The following BARX2 variants were observed in gnomAD, a reference collection of about 807,000 sequenced individuals.
BARX2 encodes homeobox protein BarH-like 2.
BARX2 carries 11 observed loss-of-function variants against 25.5 expected under a neutral mutation model. The ratio of observed to expected loss-of-function variants is 0.43; its 90% CI spans 0.27 to 0.71. BARX2 has a LOEUF of 0.71. BARX2 is among the 30% of genes least tolerant of loss of function. The pLI is 0.19. For missense variants in BARX2, 360 were observed against 359.9 expected (o/e 1.00, Z 0.00); for synonymous variants, 137 against 149.5 (o/e 0.92, Z 0.61).
chr11:129,445,417 C>T (rs1040264869), intron 3 of BARX2, among the ~76,000 whole-genome samples: 7 of 152,338 alleles, frequency 4.6e-5, no homozygotes, highest in East Asian at 1.9e-4. Flanking sequence ...TGGGCCAATG[C>T]GTGTGCCTTC....
intron 2 of BARX2, among the ~76,000 whole-genome samples, chr11:129,439,760 C>T (rs898492373): frequency 1.3e-5 from 2 of 152,156 alleles, no homozygotes; most frequent in Non-Finnish European, 2.9e-5. Context: ...TATGACATGG[C>T]TGTTTCCACT....
intron 1 of BARX2, among the ~76,000 whole-genome samples, chr11:129,409,245 C>T (rs997065165): frequency 3.3e-5 from 5 of 152,338 alleles, no homozygotes; most frequent in South Asian, 2.1e-4. Flanking sequence ...TCCCACCCAC[C>T]GTTCTCTGCC....
rs377729159 is a variant in BARX2 at position 129,420,024 on chromosome 11, G to A, written c.188-16727G>A. On this transcript the variant is annotated intron_variant, in intron 1 of 3. Transcript: ENST00000281437. The stretch of plus-strand genomic sequence containing the variant: ...TCTAACTTCTGACCTCAGGTGATCC[G>A]CCTGCATCGGCCTCCCAAAGTGCTG... Among the ~76,000 whole-genome samples, 8 of 151,974 alleles carry A rather than the reference G, an allele frequency of 5.3e-5. No homozygotes were observed. In the East Asian group the frequency reaches 5.8e-4, roughly 11 times the overall value.
intron 3 of BARX2, among the ~76,000 whole-genome samples, chr11:129,446,249 A>G (rs1044723542): frequency 1.3e-5 from 2 of 152,172 alleles, no homozygotes; most frequent in African/African-American, 4.8e-5. Flanking sequence ...CTCTTCCATG[A>G]GAGGATCCAA....
At position 129,436,899 on chromosome 11, in the gene BARX2, G is replaced by A. The variant is rs1422639875; in HGVS notation, c.336G>A (p.Gly112=). Residue 112 remains glycine, a synonymous_variant, in exon 2 of 4, where the codon GGG becomes GGA. Transcript: ENST00000281437. The surrounding 1 kb of genome is among the most constrained non-coding windows in gnomAD (Gnocchi z 4.5). ...VTEAVSAEAP[G]GEALASSESE... Reference sequence around the variant, plus strand: ...AGGCGGTCTCTGCTGAGGCCCCAGGGGGCGAGGCCCTAGCCAGCAGCGAGT... The same window carrying A: ...AGGCGGTCTCTGCTGAGGCCCCAGGAGGCGAGGCCCTAGCCAGCAGCGAGT... 1.7e-5 allele frequency: 28 copies of A among 1,613,872 alleles called. No individual in the cohort carries two copies. The highest frequency in any genetic ancestry group is 2.3e-5 in the Non-Finnish European group (27 of 1,179,982).
chr11:129,404,105 AC>A (rs1311464692), intron 1 of BARX2, among the ~76,000 whole-genome samples: 1 of 152,218 alleles, frequency 6.6e-6, no homozygotes, highest in Non-Finnish European at 1.5e-5. Context: ...TTCAACAAGG[AC>A]CACTGTGGAG....
chr11:129,449,717 C>T (rs967539145), intron 3 of BARX2, among the ~76,000 whole-genome samples: 2 of 152,126 alleles, frequency 1.3e-5, no homozygotes, highest in Non-Finnish European at 2.9e-5. Flanking sequence ...TATCTTTTCT[C>T]GACTCTAGGG....
At position 129,436,744 on chromosome 11, in the gene BARX2, T is replaced by G; in HGVS notation, c.188-7T>G. 1 of 1,551,920 alleles carries G rather than the reference T, an allele frequency of 6.4e-7. No homozygotes were observed. Among genetic ancestry groups the G allele is most frequent in the Non-Finnish European group, 8.7e-7 (1 of 1,144,080 alleles). ...TGTGGTGACCTGCCTCCCTGCTTGT[T>G]TTCCAGGCTCCCCTTCCCTGCGGGC... On this transcript the variant is annotated splice_polypyrimidine_tract_variant and splice_region_variant and intron_variant, in intron 1 of 3. Coordinates refer to ENST00000281437, the MANE Select transcript of BARX2 (RefSeq NM_003658.5). This position sits in a 1 kb window ranked among gnomAD's most constrained non-coding sequence, Gnocchi z 4.5.
rs1861671870 is a variant in BARX2 at position 129,392,074 on chromosome 11, G to C, written c.187+15852G>C. 2.6e-5 allele frequency among the ~76,000 whole-genome samples: 4 copies of C among 152,206 alleles called. No homozygotes were observed. The South Asian group carries it at 8.3e-4, about 31-fold the overall frequency. On this transcript the variant is annotated intron_variant, in intron 1 of 3. Coordinates refer to ENST00000281437, the MANE Select transcript of BARX2 (RefSeq NM_003658.5). Reference sequence around the variant, plus strand: ...TAATTGGGATGGTCCACTCTGCTGGGGAAGTGCAGGAGACTATGTGCCTTT... The same window carrying C: ...TAATTGGGATGGTCCACTCTGCTGGCGAAGTGCAGGAGACTATGTGCCTTT...
At position 129,436,643 on chromosome 11, in the gene BARX2, G is replaced by A. The variant is rs923117001; in HGVS notation, c.188-108G>A. ...TTCCTCCATCTGTACCTCCTTAAGA[G>A]CAGGGCCCTCCCTGTCAGACAGACC... On this transcript the variant is annotated intron_variant, in intron 1 of 3. Coordinates refer to ENST00000281437, the MANE Select transcript of BARX2 (RefSeq NM_003658.5). This position sits in a 1 kb window ranked among gnomAD's most constrained non-coding sequence, Gnocchi z 4.5. The A allele has an allele frequency of 8.0e-7, 1 of 1,251,818 alleles. No homozygotes were observed. Among genetic ancestry groups the A allele is most frequent in the Non-Finnish European group, 1.1e-6 (1 of 907,386 alleles). The allele number at this position is 1,251,818 out of a possible 1,614,324, so 77.5% of individuals were successfully genotyped here.
intron 1 of BARX2, among the ~76,000 whole-genome samples, chr11:129,434,388 C>G (rs1260435394): frequency 1.5e-5 from 2 of 134,526 alleles, no homozygotes; most frequent in Non-Finnish European, 3.1e-5. Flanking sequence ...AACAGAGACC[C>G]TGTCTCTACT....
chr11:129,396,842 A>G (rs7103720), intron 1 of BARX2, among the ~76,000 whole-genome samples: 21,866 of 152,140 alleles, frequency 0.14, 1,872 homozygotes, highest in East Asian at 0.27. Context: ...AAGATGCCCC[A>G]GAAGAAAGAC....
chr11:129,389,606 T>C (rs1861647375), intron 1 of BARX2, among the ~76,000 whole-genome samples: 1 of 151,964 alleles, frequency 6.6e-6, no homozygotes, highest in Non-Finnish European at 1.5e-5. Context: ...CCCTAGGAAA[T>C]GTTTCATCAC....
intron 1 of BARX2, among the ~76,000 whole-genome samples, chr11:129,393,012 T>C (rs993358498): frequency 1.3e-5 from 2 of 152,166 alleles, no homozygotes; most frequent in Admixed American, 6.5e-5. Flanking sequence ...TGTTCATGCC[T>C]GTAATCCTAG....
chr11:129,409,012 A>G (rs1452082768), intron 1 of BARX2, among the ~76,000 whole-genome samples: 2 of 152,172 alleles, frequency 1.3e-5, no homozygotes, highest in Non-Finnish European at 2.9e-5. Flanking sequence ...GATATTCACC[A>G]TCCAGAATCT....
In BARX2 at chr11:129,376,030, C is replaced by T. The variant is rs1861499173; in HGVS notation, c.-6C>T. The T allele has an allele frequency of 3.3e-6, 5 of 1,512,210 alleles. No individual in the cohort carries two copies. The highest frequency in any genetic ancestry group is 4.4e-6 in the Non-Finnish European group (5 of 1,131,740). 93.7% of individuals were successfully genotyped at this position (1,512,210 alleles called of 1,614,324 possible). A position where few individuals can be genotyped will look rare whatever the true frequency, so the allele number is the denominator to read the frequency against. On this transcript the variant is annotated 5_prime_UTR_variant, in exon 1 of 4. Coordinates refer to ENST00000281437, the MANE Select transcript of BARX2 (RefSeq NM_003658.5). The surrounding 1 kb of genome is among the most constrained non-coding windows in gnomAD (Gnocchi z 4.2). ...TCGGGCCGGCGGACGCTCGCGCCGG[C>T]TCACCATGCACTGCCACGCCGAGCT... is the stretch of plus-strand genomic sequence containing the variant.
intron 1 of BARX2, among the ~76,000 whole-genome samples, chr11:129,379,210 G>C (rs1296761866): frequency 1.3e-5 from 2 of 152,028 alleles, no homozygotes; most frequent in Non-Finnish European, 2.9e-5. Context: ...ACCACAGAAC[G>C]GTTTATCATC....
rs781552045 is a variant in BARX2 at position 129,451,295 on chromosome 11, G to A, written c.733G>A (p.Glu245Lys). The A allele has an allele frequency of 3.1e-6, 5 of 1,614,210 alleles. 1 individual carries two copies. Among genetic ancestry groups the A allele is most frequent in the South Asian group, 2.2e-5 (2 of 91,074 alleles). Residue 245 changes from glutamate (E) to lysine (K), a missense_variant, in exon 4 of 4, where the codon GAA (glutamate) becomes AAA (lysine). Physicochemically the swap from Glu to Lys is moderately conservative, Grantham distance 56. Around this residue, in one of 3 missense-constraint regions of BARX2, gnomAD observed 114 missense variants for 109.4 expected, o/e 1.04. Coordinates refer to ENST00000281437, the MANE Select transcript of BARX2 (RefSeq NM_003658.5). The stretch of plus-strand genomic sequence containing the variant: ...CTCTCAGGGGCAGGAGGAGCTCTGT[G>A]AAGCACAGGAACCGAAAGCACGTGA... ...EPSQGQEELCEAQEPKARDVP... is the reference protein window; with the variant it reads ...EPSQGQEELCKAQEPKARDVP...
chr11:129,378,666 G>A (rs1028952047), intron 1 of BARX2, among the ~76,000 whole-genome samples: 3 of 140,944 alleles, frequency 2.1e-5, no homozygotes, highest in East Asian at 4.2e-4. Flanking sequence ...TGGAATTAAA[G>A]TTACTGAACT....
Sources: gnomAD v4.1 joint callset for allele counts (sites outside exome capture counted in the v4.1 genomes callset) on GRCh38, gnomAD v4.1.1 for gene constraint, gnomAD v4.1.1 regional missense constraint, Gnocchi (gnomAD v3.1) non-coding constraint, MANE v1.5 for transcripts, NCBI Gene and HGNC (gene_info 2026-07-23, HGNC 2026-07-21) for gene names.